DPY19L4: variants seen among roughly 807,000 people sequenced by gnomAD.
The protein encoded by DPY19L4 is dpy-19 like 4, also known as probable C-mannosyltransferase DPY19L4.
Under a neutral mutation model 102.8 loss-of-function variants are expected in DPY19L4, and 97 were observed. The ratio of observed to expected loss-of-function variants is 0.94; its 90% CI spans 0.80 to 1.12. The LOEUF is 1.12. DPY19L4 is among the 50% of genes most tolerant of loss of function. The pLI, the probability that DPY19L4 is intolerant of heterozygous loss-of-function variation, is 0.00. For missense variants in DPY19L4, 815 were observed against 850.4 expected (o/e 0.96, Z 0.52); for synonymous variants, 252 against 283.1 (o/e 0.89, Z 1.10).
At chr8:94,777,878 G>A (rs1044186765) in intron 14 of DPY19L4, 92 bp downstream of exon 14, 5 of 1,387,284 alleles carry the variant, frequency 3.6e-6, no homozygotes, top group Non-Finnish European at 3.9e-6. Flanking sequence ...GAAATAGCAT[G>A]AGTAAATTAC....
intron 13 of DPY19L4, among the ~76,000 whole-genome samples, chr8:94,774,650 T>A (rs1813090736): frequency 6.6e-6 from 1 of 151,398 alleles, no homozygotes; most frequent in Non-Finnish European, 1.5e-5. Context: ...TGATCTTGGC[T>A]CACCGCAACC....
rs1810592512 is a variant in DPY19L4 at position 94,724,232 on chromosome 8, T to C, written c.17-2099T>C. 3.3e-5 allele frequency among the ~76,000 whole-genome samples: 5 copies of C among 152,246 alleles called. No homozygotes were observed. In the South Asian group the frequency reaches 1.0e-3, roughly 32 times the overall value. ...TTGTTGACTATCTCAATAGATTTGT[T>C]AATTTGACTTCTGAAATTATCCAAT... is the stretch of plus-strand genomic sequence containing the variant. On this transcript the variant is annotated intron_variant, in intron 1 of 18. Transcript: ENST00000414645.
chr8:94,744,730 G>A (rs1811596530), intron 6 of DPY19L4: 1 of 354,064 alleles, frequency 2.8e-6, no homozygotes, highest in African/African-American at 2.1e-5. Context: ...ACTCTCTTTA[G>A]AGATCTTAGT....
chr8:94,736,319 C>T (rs1302456750), intron 3 of DPY19L4, among the ~76,000 whole-genome samples: 1 of 152,104 alleles, frequency 6.6e-6, no homozygotes, highest in Non-Finnish European at 1.5e-5. Context: ...ACAGCAAACT[C>T]AAGATGGGGA....
At chr8:94,783,103 C>T (rs1461626003) in intron 16 of DPY19L4, among the ~76,000 whole-genome samples, 3 of 149,768 alleles carry the variant, frequency 2.0e-5, no homozygotes, top group Non-Finnish European at 4.4e-5. Context: ...TGTATTACAA[C>T]AGCCCTTTGG....
At position 94,781,110 on chromosome 8, in the gene DPY19L4, A is replaced by C. The variant is rs1434257381; in HGVS notation, c.1659A>C (p.Leu553Phe). 6.3e-6 allele frequency: 10 copies of C among 1,576,322 alleles called. No individual in the cohort carries two copies. Among genetic ancestry groups the C allele is most frequent in the Non-Finnish European group, 8.5e-6 (10 of 1,170,088 alleles). The change falls in exon 16 of 19, where the codon TTA (leucine) becomes TTC (phenylalanine). Residue 553 changes from leucine (L) to phenylalanine (F), a missense_variant. By Grantham distance (22) the Leu-to-Phe change is conservative (BLOSUM62 0). Transcript: ENST00000414645. ...KEFFPRLMTELMELQEFYDPD... is the reference protein window; with the variant it reads ...KEFFPRLMTEFMELQEFYDPD... ...TTTTTCCCAGATTAATGACAGAATTAATGGAACTACAGGAATTCTATGACC... is the reference window on the plus strand; with the variant it reads ...TTTTTCCCAGATTAATGACAGAATTCATGGAACTACAGGAATTCTATGACC...
intron 6 of DPY19L4, among the ~76,000 whole-genome samples, chr8:94,755,265 G>C (rs1354106126): frequency 6.6e-6 from 1 of 152,188 alleles, no homozygotes. Flanking sequence ...CTTTGATTAA[G>C]TTACCTTACA....
chr8:94,777,392 G>C (rs6992217), intron 13 of DPY19L4, among the ~76,000 whole-genome samples: 33,303 of 152,094 alleles, frequency 0.22, 4,920 homozygotes, highest in African/African-American at 0.42. Flanking sequence ...TGAAAGAGCT[G>C]TCATAGCTTA....
intron 7 of DPY19L4, among the ~76,000 whole-genome samples, chr8:94,759,824 A>G (rs563560956): frequency 1.3e-5 from 2 of 152,222 alleles, no homozygotes; most frequent in East Asian, 1.9e-4. Context: ...TTAAAATCAC[A>G]TATTTTGTAT....
At chr8:94,734,513 A>G (rs1811109070) in intron 2 of DPY19L4, 117 bp from the exon 3 acceptor site, 3 of 1,027,344 alleles carry the variant, frequency 2.9e-6, no homozygotes, top group Admixed American at 5.3e-5. Context: ...TTTTCTCACA[A>G]TTAGACTCGA....
At chr8:94,726,878 G>T (rs1376921912) in intron 2 of DPY19L4, among the ~76,000 whole-genome samples, 1 of 152,192 alleles carries the variant, frequency 6.6e-6, no homozygotes, top group Non-Finnish European at 1.5e-5. Context: ...TCACATGGTA[G>T]TGGGCAGGGA....
intron 1 of DPY19L4, among the ~76,000 whole-genome samples, chr8:94,724,141 G>C (rs1048584344): frequency 3.3e-5 from 5 of 152,164 alleles, no homozygotes; most frequent in Admixed American, 6.5e-5. Flanking sequence ...TTATCACTAA[G>C]TGTGTATTTT....
chr8:94,791,911 A>G lies in DPY19L4; in HGVS notation c.*2001A>G, dbSNP rs1036547516. On this transcript the variant is annotated 3_prime_UTR_variant, in exon 19 of 19. Coordinates refer to ENST00000414645, the MANE Select transcript of DPY19L4 (RefSeq NM_181787.3). ...TTGAAAAGGAAAAGAAAGCTTCATT[A>G]TGGAAATGACAATATTGAATATGAC... 2.6e-5 allele frequency: 4 copies of G among 152,208 alleles called. No homozygotes were observed. Among genetic ancestry groups the G allele is most frequent in the Middle Eastern group, 3.2e-3 (1 of 316 alleles). The allele number at this position is 152,208 out of a possible 1,614,324, so 9.4% of individuals were successfully genotyped here.
At chr8:94,783,853 T>G (rs1813539527) in intron 17 of DPY19L4, 51 bp downstream of exon 17, 1 of 1,600,530 alleles carries the variant, frequency 6.2e-7, no homozygotes, top group African/African-American at 1.3e-5. Context: ...CACTTTGTAT[T>G]TTAGCATAGT....
At chr8:94,763,518 C>CT (rs140327082) in intron 8 of DPY19L4, among the ~76,000 whole-genome samples, 91 of 132,400 alleles carry the variant, frequency 6.9e-4, no homozygotes, top group South Asian at 2.4e-3. Context: ...TTTTTCTTTT[C>CT]TTTTTTTTTT....
At chr8:94,742,283 A>G (rs1428019820) in intron 6 of DPY19L4, among the ~76,000 whole-genome samples, 5 of 152,168 alleles carry the variant, frequency 3.3e-5, no homozygotes, top group Admixed American at 2.6e-4. Context: ...GCGTGAACCC[A>G]GGAGGCAGAG....
In DPY19L4 at chr8:94,770,483, G is replaced by A. The variant is rs1812877448; in HGVS notation, c.1366G>A (p.Glu456Lys). Residue 456 changes from glutamate (E) to lysine (K), a missense_variant, in exon 13 of 19, where the codon GAA (glutamate) becomes AAA (lysine). Coordinates refer to ENST00000414645, the MANE Select transcript of DPY19L4 (RefSeq NM_181787.3). ...GTCCCTGAAGGAAACTGTTACTCTT[G>A]AAGATGGACGAATTGGAGAAAGACC... ...GKSLKETVTL[E>K]DGRIGERPEI... is the part of the protein sequence containing the mutation. 3.1e-6 allele frequency: 5 copies of A among 1,613,600 alleles called. No individual in the cohort carries two copies. In the East Asian group the frequency reaches 1.1e-4, roughly 36 times the overall value.
At chr8:94,774,777 A>C (rs960980976) in intron 13 of DPY19L4, among the ~76,000 whole-genome samples, 1 of 151,910 alleles carries the variant, frequency 6.6e-6, no homozygotes, top group Non-Finnish European at 1.5e-5. Flanking sequence ...GGGTTTCTCC[A>C]TGTTGGTCAG....
At chr8:94,781,295 G>T in intron 16 of DPY19L4, 129 bp downstream of exon 16, 1 of 746,150 alleles carries the variant, frequency 1.3e-6, no homozygotes, top group South Asian at 3.3e-5. Flanking sequence ...GCGTTTTAGG[G>T]ATATTTAGAT....
Sources: gnomAD v4.1 joint callset for allele counts (sites outside exome capture counted in the v4.1 genomes callset) on GRCh38, gnomAD v4.1.1 for gene constraint, MANE v1.5 for transcripts, NCBI Gene and HGNC (gene_info 2026-07-23, HGNC 2026-07-21) for gene names.